Variants in BEGAIN observed in about 807,000 individuals in gnomAD.
BEGAIN encodes brain-enriched guanylate kinase-associated protein.
BEGAIN carries 19 observed loss-of-function variants against 35.8 expected under a neutral mutation model. The observed-to-expected ratio is 0.53, with a 90% confidence interval of 0.37 to 0.78. BEGAIN has a LOEUF of 0.78. BEGAIN is among the 30% of genes least tolerant of loss of function. The pLI is 0.00. For synonymous variants in BEGAIN, 462 were observed against 388.6 expected, an observed-to-expected ratio of 1.19 and a Z score of -2.22; for missense variants, 795 against 853.6, an observed-to-expected ratio of 0.93 and a Z score of 0.85.
At chr14:100,576,014 G>A (rs974932384) in intron 1 of BEGAIN, among the ~76,000 whole-genome samples, 2 of 152,106 alleles carry the variant, frequency 1.3e-5, no homozygotes, top group East Asian at 1.9e-4. Flanking sequence ...AGGAGCAGGC[G>A]GGGAAACAAT....
At chr14:100,585,701 T>C (rs2035429545) in intron 1 of BEGAIN, among the ~76,000 whole-genome samples, 1 of 151,744 alleles carries the variant, frequency 6.6e-6, no homozygotes, top group South Asian at 2.1e-4. Context: ...CTGACAGGTG[T>C]CCCCCTACTC....
intron 1 of BEGAIN, among the ~76,000 whole-genome samples, chr14:100,578,911 G>A (rs538153346): frequency 1.4e-5 from 2 of 147,846 alleles, no homozygotes; most frequent in Non-Finnish European, 3.0e-5. Flanking sequence ...GCCCAGGCTG[G>A]ATTACAATGG....
At position 100,568,731 on chromosome 14, in the gene BEGAIN, A is replaced by G. The variant is rs534186965; in HGVS notation, c.43-792T>C. ...TTGTGGGCGCGGGCGAGCGACGGGG[A>G]CCGCGAGCGGCCCGGGCGGGATCGC... On this transcript the variant is annotated intron_variant, in intron 1 of 6. Transcript: ENST00000554140. The surrounding 1 kb of genome is among the most constrained non-coding windows in gnomAD (Gnocchi z 7.5). Among the ~76,000 whole-genome samples, 75 of 151,532 alleles carry G rather than the reference A, an allele frequency of 4.9e-4. No individual in the cohort carries two copies. In the Middle Eastern group the frequency reaches 0.014, roughly 28 times the overall value.
chr14:100,565,368 G>T (rs2034602514), intron 2 of BEGAIN, among the ~76,000 whole-genome samples: 1 of 152,168 alleles, frequency 6.6e-6, no homozygotes, highest in South Asian at 2.1e-4. Flanking sequence ...CAGCATGGGG[G>T]GGCAGCCAGT....
chr14:100,543,830 C>G, intron 5 of BEGAIN, 28 bp downstream of exon 5: 1 of 1,588,958 alleles, frequency 6.3e-7, no homozygotes, highest in Non-Finnish European at 8.6e-7. Flanking sequence ...CGGCAGTCTT[C>G]CATGGGCCAA....
chr14:100,540,632 C>G, intron 5 of BEGAIN, 53 bp from the exon 6 acceptor site: 1 of 1,422,668 alleles, frequency 7.0e-7, no homozygotes, highest in Non-Finnish European at 9.7e-7. Context: ...AAGGCCCCGC[C>G]GCCCTGACCA....
chr14:100,544,959 A>T, intron 4 of BEGAIN, 41 bp downstream of exon 4: 1 of 1,595,268 alleles, frequency 6.3e-7, no homozygotes, highest in Non-Finnish European at 8.5e-7. Flanking sequence ...CCCGGGAAGG[A>T]GGTGTGGGGT....
At chr14:100,581,987 G>A (rs758200756) in intron 1 of BEGAIN, among the ~76,000 whole-genome samples, 15 of 152,236 alleles carry the variant, frequency 9.9e-5, no homozygotes, top group Non-Finnish European at 1.8e-4. Context: ...CAGCTACCCC[G>A]CTTCACGGAG....
At chr14:100,565,337 G>A (rs1270897042) in intron 2 of BEGAIN, among the ~76,000 whole-genome samples, 1 of 152,202 alleles carries the variant, frequency 6.6e-6, no homozygotes, top group Non-Finnish European at 1.5e-5. Context: ...GCAGCTTGTG[G>A]GGAACTCGGA....
intron 2 of BEGAIN, among the ~76,000 whole-genome samples, chr14:100,564,816 C>T (rs981394610): frequency 5.3e-5 from 8 of 152,140 alleles, no homozygotes; most frequent in African/African-American, 1.9e-4. Flanking sequence ...CTGGGGAAGA[C>T]AGAAGACACC....
intron 1 of BEGAIN, among the ~76,000 whole-genome samples, chr14:100,570,948 C>T (rs1015084036): frequency 4.6e-5 from 7 of 152,282 alleles, no homozygotes; most frequent in African/African-American, 1.4e-4. Context: ...GGGTCTTGGG[C>T]CAGTGGGTGG....
Position 100,567,715 on chromosome 14 carries a change from C to A in BEGAIN, c.71+196G>T, listed in dbSNP as rs1287430747. Among the ~76,000 whole-genome samples the A allele has an allele frequency of 2.6e-5, 4 of 151,150 alleles. No individual in the cohort carries two copies. The highest frequency in any genetic ancestry group is 2.6e-4 in the Admixed American group (4 of 15,204). ...GCAGCGGCCCGGGCCGGCGGAGGAGCCCCGCGCGAGGCTCCCCAGCGCCTC... is the reference window on the plus strand; with the variant it reads ...GCAGCGGCCCGGGCCGGCGGAGGAGACCCGCGCGAGGCTCCCCAGCGCCTC... On this transcript the variant is annotated intron_variant, in intron 2 of 6. Coordinates refer to ENST00000554140, the MANE Select transcript of BEGAIN (RefSeq NM_001385089.1). The surrounding 1 kb of genome is among the most constrained non-coding windows in gnomAD (Gnocchi z 5.1).
At chr14:100,545,513 C>G (rs2032256774) in intron 3 of BEGAIN, 2 of 865,232 alleles carry the variant, frequency 2.3e-6, no homozygotes, top group Non-Finnish European at 2.8e-6. Context: ...TCACAGTGAA[C>G]AAGACTCGGT....
At chr14:100,580,220 T>G (rs2035287531) in intron 1 of BEGAIN, among the ~76,000 whole-genome samples, 4 of 152,084 alleles carry the variant, frequency 2.6e-5, no homozygotes, top group Admixed American at 2.6e-4. Flanking sequence ...GAAGAATCAC[T>G]TGAACCCGGG....
chr14:100,539,282 G>T lies in BEGAIN; in HGVS notation c.526C>A (p.His176Asn). 6.4e-7 allele frequency: 1 copy of T among 1,572,530 alleles called. No individual in the cohort carries two copies. Among genetic ancestry groups the T allele is most frequent in the Admixed American group, 1.8e-5 (1 of 54,148 alleles). ...AGGCTGCAGCCGTGCTTCTCCATGT[G>T]CAGGCTCACGCGCTCCTGGAAATCC... ...PSDFQERVSL[H>N]MEKHGCSLPS... is the part of the protein sequence containing the mutation. The change falls in exon 7 of 7, where the codon CAC becomes AAC. Residue 176 changes from histidine to asparagine, a missense_variant. By Grantham distance (68) the His-to-Asn change is moderately conservative. Transcript: ENST00000554140.
intron 5 of BEGAIN, among the ~76,000 whole-genome samples, chr14:100,542,045 A>C (rs2031706155): frequency 1.3e-5 from 2 of 152,216 alleles, no homozygotes; most frequent in Admixed American, 6.5e-5. Context: ...CCAACCCTGC[A>C]GAGAGGGCCC....
intron 1 of BEGAIN, among the ~76,000 whole-genome samples, chr14:100,572,349 G>A (rs1349931877): frequency 6.6e-6 from 1 of 152,210 alleles, no homozygotes; most frequent in East Asian, 1.9e-4. Flanking sequence ...CTGTGAAGAG[G>A]AGAGTGAGCC....
chr14:100,586,492 C>A lies in BEGAIN; in HGVS notation c.42+757G>T, dbSNP rs888644074. On this transcript the variant is annotated intron_variant, in intron 1 of 6. Transcript: ENST00000554140. This position sits in a 1 kb window ranked among gnomAD's most constrained non-coding sequence, Gnocchi z 4.9. The stretch of plus-strand genomic sequence containing the variant: ...CCACGCTGTTCCTGCCCTGAGGAAA[C>A]CACATTGGGGATGGGGTGGGGCACA... Among the ~76,000 whole-genome samples the A allele has an allele frequency of 5.3e-5, 8 of 152,134 alleles. No individual in the cohort carries two copies. The highest frequency in any genetic ancestry group is 1.9e-4 in the African/African-American group (8 of 41,438).
intron 2 of BEGAIN, among the ~76,000 whole-genome samples, chr14:100,555,889 C>T (rs1595127923): frequency 6.6e-6 from 1 of 152,198 alleles, no homozygotes; most frequent in South Asian, 2.1e-4. Context: ...ACTGGGACTC[C>T]ACCCGCACAG....
Sources: gnomAD v4.1 joint callset for allele counts (sites outside exome capture counted in the v4.1 genomes callset) on GRCh38, gnomAD v4.1.1 for gene constraint, Gnocchi (gnomAD v3.1) non-coding constraint, MANE v1.5 for transcripts, NCBI Gene and HGNC (gene_info 2026-07-23, HGNC 2026-07-21) for gene names.